The following UBAP2 variants were observed in gnomAD, a reference collection of about 807,000 sequenced individuals.
UBAP2 encodes the protein ubiquitin-associated protein 2.
A neutral mutation model predicts 139.6 loss-of-function variants in UBAP2; 75 were observed. The observed-to-expected ratio is 0.54, with a 90% confidence interval of 0.45 to 0.65. UBAP2 has a LOEUF of 0.65. UBAP2 is among the 30% of genes least tolerant of loss of function. UBAP2 has a pLI of 0.00. For synonymous variants in UBAP2, 526 were observed against 526.2 expected, an observed-to-expected ratio of 1.00 and a Z score of 0.01; for missense variants, 1,368 against 1,369.6, an observed-to-expected ratio of 1.00 and a Z score of 0.02.
intron 2 of UBAP2, among the ~76,000 whole-genome samples, chr9:34,016,558 TTTTA>T (rs1428757727): frequency 6.7e-6 from 1 of 149,948 alleles, no homozygotes; most frequent in African/African-American, 2.5e-5. Flanking sequence ...TTTTTATTTA[TTTTA>T]TTTTTTTTTT....
chr9:34,037,547 A>C (rs1344208278), intron 1 of UBAP2, among the ~76,000 whole-genome samples: 1 of 152,232 alleles, frequency 6.6e-6, no homozygotes, highest in Non-Finnish European at 1.5e-5. Context: ...CATGGAATAC[A>C]TATTTTTAGA....
chr9:34,039,278 G>A (rs1826812208), intron 1 of UBAP2, among the ~76,000 whole-genome samples: 1 of 150,574 alleles, frequency 6.6e-6, no homozygotes, highest in Non-Finnish European at 1.5e-5. Context: ...GAGGTGGGGG[G>A]GGCGCCTCTG....
intron 1 of UBAP2, among the ~76,000 whole-genome samples, chr9:34,025,222 TACA>T (rs1825306374): frequency 2.0e-5 from 3 of 152,180 alleles, no homozygotes; most frequent in African/African-American, 7.2e-5. Flanking sequence ...GGAATGCTTC[TACA>T]ACAAGTACCC....
At chr9:33,948,291 C>A in intron 13 of UBAP2, 83 bp downstream of exon 13, 2 of 1,250,894 alleles carry the variant, frequency 1.6e-6, no homozygotes, top group Non-Finnish European at 2.2e-6. Flanking sequence ...ACAAATTCCA[C>A]ATTAGTCTTC....
At chr9:33,982,722 A>G (rs1196296714) in intron 6 of UBAP2, among the ~76,000 whole-genome samples, 2 of 152,210 alleles carry the variant, frequency 1.3e-5, no homozygotes, top group Non-Finnish European at 2.9e-5. Context: ...GTGATTTTAC[A>G]TGGTCTGTTA....
At chr9:33,935,169 G>C (rs926396937) in intron 17 of UBAP2, among the ~76,000 whole-genome samples, 16 of 144,984 alleles carry the variant, frequency 1.1e-4, no homozygotes, top group African/African-American at 3.2e-4. Context: ...GTGGCGGGGG[G>C]GGGGGGTCTC....
intron 6 of UBAP2, among the ~76,000 whole-genome samples, chr9:33,976,394 G>T (rs1182752220): frequency 1.3e-5 from 2 of 152,158 alleles, no homozygotes; most frequent in African/African-American, 2.4e-5. Context: ...AAGGCGATGG[G>T]GAACCCAAAA....
intron 11 of UBAP2, 51 bp from the exon 12 acceptor site, chr9:33,953,525 C>T: frequency 1.3e-6 from 2 of 1,533,778 alleles, no homozygotes; most frequent in South Asian, 2.4e-5. Context: ...ATCTTACCAA[C>T]AAATGAATGT....
At chr9:33,969,562 AAAG>A (rs201256329) in intron 8 of UBAP2, among the ~76,000 whole-genome samples, 7 of 95,388 alleles carry the variant, frequency 7.3e-5, no homozygotes, top group African/African-American at 2.2e-4. Context: ...AAAAAAAAAA[AAAG>A]AAAGAAAGAA....
chr9:34,047,287 T>C (rs527385324), intron 1 of UBAP2, among the ~76,000 whole-genome samples: 3 of 152,214 alleles, frequency 2.0e-5, no homozygotes, highest in Admixed American at 2.0e-4. Flanking sequence ...AAAGGGCAGT[T>C]TGGGAAACTA....
At position 33,922,466 on chromosome 9, in the gene UBAP2, G is replaced by A. The variant is rs966323533; in HGVS notation, c.*38C>T. On this transcript the variant is annotated 3_prime_UTR_variant, in exon 29 of 29. Coordinates refer to ENST00000379238, the MANE Select transcript of UBAP2 (RefSeq NM_001370062.2). ...GTGCTCGTGTGTTCTCTCCTGCCCAGGATAAGCCTTGCCCCAGCCCACCCC... is the reference window on the plus strand; with the variant it reads ...GTGCTCGTGTGTTCTCTCCTGCCCAAGATAAGCCTTGCCCCAGCCCACCCC... The A allele has an allele frequency of 6.9e-6, 11 of 1,595,670 alleles. No homozygotes were observed. The African/African-American group carries it at 9.4e-5, about 14-fold the overall frequency.
rs1404235750 is a variant in UBAP2, at chr9:33,941,655, G to A, written c.1923C>T (p.Thr641=). ...AAACTAAAATACCACTTACCATGAT[G>A]GTTCCTGGAGCTGACTCTGATGAAC... ...PVSSSESAPG[T]IMNGHGGGRS... Residue 641 remains threonine, a synonymous_variant, in exon 16 of 29, where the codon ACC becomes ACT. Transcript: ENST00000379238. 1.9e-6 allele frequency: 3 copies of A among 1,613,886 alleles called. No homozygotes were observed. In the South Asian group the frequency reaches 3.3e-5, roughly 18 times the overall value.
chr9:34,044,425 C>T (rs991260953), intron 1 of UBAP2, among the ~76,000 whole-genome samples: 3 of 151,172 alleles, frequency 2.0e-5, no homozygotes, highest in Non-Finnish European at 2.9e-5. Flanking sequence ...ATTAGCTGGG[C>T]GTGGTGATGC....
intron 13 of UBAP2, among the ~76,000 whole-genome samples, chr9:33,945,380 T>C (rs1825578086): frequency 1.3e-5 from 2 of 151,908 alleles, no homozygotes; most frequent in African/African-American, 4.8e-5. Context: ...GCACCTGTAG[T>C]CCCAGCTACT....
Position 33,927,062 on chromosome 9 carries a change from A to G in UBAP2, c.2390T>C (p.Leu797Ser). 15 of 1,613,092 alleles carry G rather than the reference A, an allele frequency of 9.3e-6. No homozygotes were observed. Among genetic ancestry groups the G allele is most frequent in the Non-Finnish European group, 1.3e-5 (15 of 1,179,498 alleles). ...CAGCAGGGGAGGCACCCCCTGAGGTAAGTTTGGGGGTGCTTTGCCTGTATA... is the reference window on the plus strand; with the variant it reads ...CAGCAGGGGAGGCACCCCCTGAGGTGAGTTTGGGGGTGCTTTGCCTGTATA... ...LVTSGKAPPN[L>S]PQGVPPLLHN... The change falls in exon 21 of 29, where the codon TTA (leucine) becomes TCA (serine). Residue 797 changes from leucine to serine, a missense_variant. Transcript: ENST00000379238.
chr9:33,987,187 G>A (rs1821294209), intron 5 of UBAP2, among the ~76,000 whole-genome samples: 2 of 151,976 alleles, frequency 1.3e-5, no homozygotes, highest in Admixed American at 6.6e-5. Flanking sequence ...GAGGCGGGTG[G>A]ATCACTTGAG....
Position 33,953,344 on chromosome 9 carries a change from G to T in UBAP2, c.997C>A (p.Gln333Lys). 3 of 1,614,198 alleles carry T rather than the reference G, an allele frequency of 1.9e-6. No individual in the cohort carries two copies. The South Asian group carries it at 3.3e-5, about 18-fold the overall frequency. The change falls in exon 12 of 29, where the codon CAG (glutamine) becomes AAG (lysine). Residue 333 changes from glutamine to lysine, a missense_variant. Coordinates refer to ENST00000379238, the MANE Select transcript of UBAP2 (RefSeq NM_001370062.2). ...GAGCTGCCAGTCCCTGGTGCCATCT[G>T]ATTGTTGTGTTGCGAATTTGTGAAG... ...LVFTNSQHNN[Q>K]MAPGTGSSTA... is the part of the protein sequence containing the mutation.
chr9:33,991,729 A>AT (rs1298321153), intron 4 of UBAP2, among the ~76,000 whole-genome samples: 1 of 152,238 alleles, frequency 6.6e-6, no homozygotes, highest in Admixed American at 6.5e-5. Context: ...ATGTTTGCTA[A>AT]TATGAAAATA....
intron 1 of UBAP2, among the ~76,000 whole-genome samples, chr9:34,031,167 C>T (rs2131330715): frequency 6.6e-6 from 1 of 151,428 alleles, no homozygotes; most frequent in East Asian, 2.0e-4. Context: ...AATCCTACTA[C>T]TCGGGAGGCT....
Sources: gnomAD v4.1 joint callset for allele counts (sites outside exome capture counted in the v4.1 genomes callset) on GRCh38, gnomAD v4.1.1 for gene constraint, MANE v1.5 for transcripts, NCBI Gene and HGNC (gene_info 2026-07-23, HGNC 2026-07-21) for gene names.